Variants in NT5C3B observed in about 807,000 individuals in gnomAD.
NT5C3B encodes 5'-nucleotidase, cytosolic IIIB.
In NT5C3B, 28 loss-of-function variants were observed where a neutral mutation model predicts 32.5. The observed-to-expected ratio is 0.86, with a 90% CI of 0.64 to 1.18. The LOEUF is 1.18. Ranked by LOEUF, NT5C3B falls within the 50% of genes most tolerant of loss-of-function variation. The probability of loss-of-function intolerance (pLI) is 0.00; values close to 1 mark genes in which losing one functional copy is unlikely to be tolerated. For missense variants in NT5C3B, 317 were observed against 322.0 expected, an observed-to-expected ratio of 0.98 and a Z score of 0.12; for synonymous variants, 138 against 118.0, an observed-to-expected ratio of 1.17 and a Z score of -1.10.
chr17:41,835,695 T>A (rs1415685696), intron 2 of NT5C3B, 164 bp downstream of exon 2: 1 of 770,694 alleles, frequency 1.3e-6, no homozygotes, highest in Non-Finnish European at 2.2e-6. Context: ...GAAATTTGGG[T>A]TTTAGGACAG....
chr17:41,830,779 T>C, intron 6 of NT5C3B, 22 bp downstream of exon 6: 1 of 1,520,766 alleles, frequency 6.6e-7, no homozygotes, highest in Non-Finnish European at 9.1e-7. Flanking sequence ...GATAGAAATG[T>C]TTTCCAGAGC....
intron 6 of NT5C3B, among the ~76,000 whole-genome samples, chr17:41,829,614 T>C (rs1359067333): frequency 6.6e-6 from 1 of 152,196 alleles, no homozygotes; most frequent in East Asian, 1.9e-4. Context: ...TTCAATATAA[T>C]CCTATGTAGT....
At chr17:41,827,988 A>G (rs1326798078) in intron 7 of NT5C3B, among the ~76,000 whole-genome samples, 1 of 152,192 alleles carries the variant, frequency 6.6e-6, no homozygotes, top group East Asian at 1.9e-4. Flanking sequence ...GAGCCACCCA[A>G]TATTGCAGAT....
At chr17:41,835,638 G>C in intron 2 of NT5C3B, 2 of 704,004 alleles carry the variant, frequency 2.8e-6, no homozygotes, top group Non-Finnish European at 5.2e-6. Flanking sequence ...TGGTGTGGGC[G>C]CCTTCTGTCC....
Position 41,832,446 on chromosome 17 carries a change from A to G in NT5C3B, c.260T>C (p.Ile87Thr), listed in dbSNP as rs146372471. 91 of 1,613,580 alleles carry G rather than the reference A, an allele frequency of 5.6e-5. No individual in the cohort carries two copies. Among genetic ancestry groups the G allele is most frequent in the Middle Eastern group, 1.6e-4 (1 of 6,080 alleles). ...LTALLHHYYP[I>T]EIDPHRTVKE... ...GACGGTCCGGTGTGGGTCGATCTCA[A>G]TTGGGTAATAGTGGTGAAGGAGCGC... Residue 87 changes from isoleucine (I) to threonine (T), a missense_variant, in exon 5 of 9, where the codon ATT becomes ACT. By Grantham distance (89) the Ile-to-Thr change is moderately conservative. Coordinates refer to ENST00000435506, the MANE Select transcript of NT5C3B (RefSeq NM_052935.5).
At chr17:41,836,127 C>T in intron 1 of NT5C3B, 55 bp downstream of exon 1, 3 of 1,323,816 alleles carry the variant, frequency 2.3e-6, no homozygotes, top group Non-Finnish European at 2.9e-6. Flanking sequence ...GCTCGAAGCG[C>T]CCCGGGGGTC....
At chr17:41,830,685 T>C (rs1383054416) in intron 6 of NT5C3B, 116 bp downstream of exon 6, 3 of 735,538 alleles carry the variant, frequency 4.1e-6, no homozygotes, top group East Asian at 2.5e-5. Flanking sequence ...CATAGTGCCA[T>C]GTCCCTTCCG....
intron 4 of NT5C3B, among the ~76,000 whole-genome samples, chr17:41,834,710 T>C (rs1305156690): frequency 6.6e-5 from 10 of 152,086 alleles, no homozygotes; most frequent in Admixed American, 5.9e-4. Flanking sequence ...GATCAAGCCA[T>C]TGCACTCCAG....
chr17:41,831,313 C>A (rs1473900577), intron 5 of NT5C3B, among the ~76,000 whole-genome samples: 1 of 80,528 alleles, frequency 1.2e-5, no homozygotes, highest in Non-Finnish European at 2.6e-5. Context: ...GAGTGAGACT[C>A]CATCTCAAAA....
In NT5C3B at chr17:41,825,616, G is replaced by A. The variant is rs781908112; in HGVS notation, c.810C>T (p.Ile270=). Residue 270 remains isoleucine (I), a synonymous_variant, in exon 9 of 9, where the codon ATC becomes ATT. Transcript: ENST00000435506. The part of the protein sequence containing the change: ...RRERYMDSYD[I]VLEKDETLDV... ...CCAGAGTCTCGTCCTTCTCCAGCACGATGTCATAGGAGTCCATGTAGCGCT... is the reference window on the plus strand; with the variant it reads ...CCAGAGTCTCGTCCTTCTCCAGCACAATGTCATAGGAGTCCATGTAGCGCT... 6.9e-6 allele frequency: 6 copies of A among 872,716 alleles called. No homozygotes were observed. Among genetic ancestry groups the A allele is most frequent in the African/African-American group, 4.9e-5 (3 of 61,350 alleles). 54.1% of individuals were successfully genotyped at this position (872,716 alleles called of 1,614,324 possible).
rs374813079 is a variant in NT5C3B at position 41,828,957 on chromosome 17, A to G, written c.405-5T>C. On this transcript the variant is annotated splice_polypyrimidine_tract_variant and splice_region_variant and intron_variant, in intron 6 of 8. Transcript: ENST00000435506. ...AAGAAGGTCTTATATCCCTCCCTGA[A>G]AAGAGATGGAGGAATTCTGAAATGG... 5 of 1,603,292 alleles carry G rather than the reference A, an allele frequency of 3.1e-6. No individual in the cohort carries two copies. Among genetic ancestry groups the G allele is most frequent in the Non-Finnish European group, 4.3e-6 (5 of 1,171,926 alleles).
At chr17:41,826,404 G>A (rs1555618195) in intron 8 of NT5C3B, among the ~76,000 whole-genome samples, 1 of 152,094 alleles carries the variant, frequency 6.6e-6, no homozygotes, top group African/African-American at 2.4e-5. Context: ...TGTTGCTGTT[G>A]TTGAGACAGG....
intron 4 of NT5C3B, 36 bp from the exon 5 acceptor site, chr17:41,832,513 C>T: frequency 6.3e-7 from 1 of 1,579,480 alleles, no homozygotes; most frequent in South Asian, 1.1e-5. Context: ...GCCATTAGTC[C>T]ATATCAAGTT....
chr17:41,826,116 A>G (rs2047956329), intron 8 of NT5C3B, among the ~76,000 whole-genome samples: 1 of 151,610 alleles, frequency 6.6e-6, no homozygotes, highest in South Asian at 2.1e-4. Flanking sequence ...AGACTGAGCC[A>G]TGACACTCCA....
intron 2 of NT5C3B, 156 bp from the exon 3 acceptor site, chr17:41,835,428 G>A: frequency 1.5e-6 from 1 of 677,970 alleles, no homozygotes; most frequent in South Asian, 1.7e-5. Flanking sequence ...GAGGGATAGA[G>A]GGGAAGTGAT....
rs1276077473 is a variant in NT5C3B, at chr17:41,835,355, A to C, written c.112-83T>G. On this transcript the variant is annotated intron_variant, in intron 2 of 8. Transcript: ENST00000435506. ...GCCTCAGCCTGGGGGATGATTATGG[A>C]AATCAATACAGCTCAGTGGCCAGGA... 6 of 1,164,910 alleles carry C rather than the reference A, an allele frequency of 5.2e-6. No individual in the cohort carries two copies. In the African/African-American group the frequency reaches 9.1e-5, roughly 18 times the overall value. The allele number at this position is 1,164,910 out of a possible 1,614,324, so 72.2% of individuals were successfully genotyped here. A position where few individuals can be genotyped will look rare whatever the true frequency, so the allele number is the denominator to read the frequency against.
rs782065976 is a variant in NT5C3B, at chr17:41,832,350, A to G, written c.314+42T>C. The G allele has an allele frequency of 3.2e-6, 5 of 1,568,568 alleles. No homozygotes were observed. The South Asian group carries it at 4.4e-5, about 14-fold the overall frequency. On this transcript the variant is annotated intron_variant, in intron 5 of 8. Transcript: ENST00000435506. ...AAATATGCCCCTCCCAGCCTACTCC[A>G]TCTCAAGGGCCCAGAAGCTTTTCTC...
chr17:41,834,247 T>G (rs1555619465), intron 4 of NT5C3B, among the ~76,000 whole-genome samples: 1 of 151,882 alleles, frequency 6.6e-6, no homozygotes, highest in Non-Finnish European at 1.5e-5. Flanking sequence ...AATACAAAAA[T>G]TAGCCGGGCA....
chr17:41,830,706 C>A, intron 6 of NT5C3B, 95 bp downstream of exon 6: 1 of 860,642 alleles, frequency 1.2e-6, no homozygotes, highest in South Asian at 1.4e-5. Flanking sequence ...GTCCTTTAAG[C>A]AACTAACTGC....
Sources: gnomAD v4.1 joint callset for allele counts (sites outside exome capture counted in the v4.1 genomes callset) on GRCh38, gnomAD v4.1.1 for gene constraint, MANE v1.5 for transcripts, NCBI Gene and HGNC (gene_info 2026-07-23, HGNC 2026-07-21) for gene names.